ARHGDIG: variants seen among roughly 807,000 people sequenced by gnomAD.
ARHGDIG encodes Rho GDP dissociation inhibitor gamma.
A neutral mutation model predicts 20.2 loss-of-function variants in ARHGDIG; 14 were observed. That is an observed-to-expected ratio of 0.69 (90% CI 0.46 to 1.08). The LOEUF is 1.08. Ranked by LOEUF, ARHGDIG falls within the 50% of genes least tolerant of loss-of-function variation. The pLI is 0.00. For missense variants in ARHGDIG, 311 were observed against 301.8 expected (o/e 1.03, Z -0.23); for synonymous variants, 193 against 138.6 (o/e 1.39, Z -2.76).
At chr16:281,311 G>T (rs538384070) in intron 1 of ARHGDIG, 22 of 141,956 alleles carry the variant, frequency 1.5e-4, no homozygotes, top group Middle Eastern at 3.8e-3. Context: ...CAGTAGGCTT[G>T]GGGGGCCGCC....
Position 281,624 on chromosome 16 carries a change from A to G in ARHGDIG, c.74-122A>G, listed in dbSNP as rs187000533. On this transcript the variant is annotated intron_variant, in intron 1 of 5. Coordinates refer to ENST00000219409, the MANE Select transcript of ARHGDIG (RefSeq NM_001176.4). ...CTGCTCGCTCTCTCCCTGAGCCCCC[A>G]GAGGCTTCCCTTGAGTCCCTTTGGA... 7.0e-4 allele frequency: 845 copies of G among 1,201,614 alleles called. 3 individuals carry two copies. The African/African-American group carries it at 0.012, about 17-fold the overall frequency. 74.4% of individuals were successfully genotyped at this position (1,201,614 alleles called of 1,614,324 possible). A position where few individuals can be genotyped will look rare whatever the true frequency, so the allele number is the denominator to read the frequency against.
chr16:282,558 C>CCG, intron 5 of ARHGDIG, 28 bp downstream of exon 5: 2 of 1,310,078 alleles, frequency 1.5e-6, no homozygotes, highest in Non-Finnish European at 2.0e-6. Flanking sequence ...GGGAACGGGG[C>CCG]GGGGGGGGGA....
At chr16:281,640 T>A in intron 1 of ARHGDIG, 106 bp from the exon 2 acceptor site, 2 of 1,286,600 alleles carry the variant, frequency 1.6e-6, no homozygotes, top group Middle Eastern at 2.7e-4. Context: ...TTCCCTTGAG[T>A]CCCTTTGGAT....
intron 4 of ARHGDIG, 27 bp from the exon 5 acceptor site, chr16:282,440 A>G (rs1343684409): frequency 6.2e-7 from 1 of 1,612,060 alleles, no homozygotes. Context: ...TGGCCCCCAG[A>G]GGAACCCCTA....
At position 282,312 on chromosome 16, in the gene ARHGDIG, T is replaced by G; in HGVS notation, c.353T>G (p.Leu118Arg). Residue 118 changes from leucine (L) to arginine (R), a missense_variant, in exon 4 of 6, where the codon CTG (leucine) becomes CGG (arginine). Transcript: ENST00000219409. ...VMDLTGDLAV[L>R]KDQVFVLKEG... Reference sequence around the variant, plus strand: ...TCCCCAATAGGGGACCTGGCTGTTCTGAAGGACCAGGTGTTTGTCCTGAAG... The same window carrying G: ...TCCCCAATAGGGGACCTGGCTGTTCGGAAGGACCAGGTGTTTGTCCTGAAG... The G allele has an allele frequency of 6.2e-7, 1 of 1,613,214 alleles. No individual in the cohort carries two copies. Among genetic ancestry groups the G allele is most frequent in the Non-Finnish European group, 8.5e-7 (1 of 1,179,926 alleles).
chr16:280,670 C>A lies in ARHGDIG; in HGVS notation c.-11C>A, dbSNP rs1246503099. On this transcript the variant is annotated 5_prime_UTR_variant, in exon 1 of 6. Transcript: ENST00000219409. This position sits in a 1 kb window ranked among gnomAD's most constrained non-coding sequence, Gnocchi z 6.6. ...CTCGGCGGCTCCGCGGCGCCCGGGC[C>A]GCGCGCCGCCATGCTGGGCCTGGAC... is the stretch of plus-strand genomic sequence containing the variant. The A allele has an allele frequency of 1.9e-6, 2 of 1,059,060 alleles. No homozygotes were observed. The highest frequency in any genetic ancestry group is 2.3e-6 in the Non-Finnish European group (2 of 877,830). The allele number at this position is 1,059,060 out of a possible 1,614,324, so 65.6% of individuals were successfully genotyped here. A position where few individuals can be genotyped will look rare whatever the true frequency, so the allele number is the denominator to read the frequency against.
chr16:282,544 T>TGGGGGGAAGGGGGGGGG lies in ARHGDIG; in HGVS notation c.478+22_478+23insGGGGGGGGGGGGGGGAA. On this transcript the variant is annotated intron_variant, in intron 5 of 5. Transcript: ENST00000219409. ...GGGGCCTGCGCGGTGAGGGCAGCGG[T>TGGGGGGAAGGGGGGGGG]GGGGGGAACGGGGCGGGGGGGGGAA... is the stretch of plus-strand genomic sequence containing the variant. 1 of 289,514 alleles carries TGGGGGGAAGGGGGGGGG rather than the reference T, an allele frequency of 3.5e-6. No homozygotes were observed. The highest frequency in any genetic ancestry group is 8.0e-5 in the Admixed American group (1 of 12,474). 17.9% of individuals were successfully genotyped at this position (289,514 alleles called of 1,614,324 possible). A position where few individuals can be genotyped will look rare whatever the true frequency, so the allele number is the denominator to read the frequency against.
Position 280,890 on chromosome 16 carries a change from T to A in ARHGDIG, c.73+137T>A. ...CCCCCCGGCTGGGGTCTGGCAGGGG[T>A]GGGGGACTTCATCCAGGCTCCAGCC... On this transcript the variant is annotated intron_variant, in intron 1 of 5. Coordinates refer to ENST00000219409, the MANE Select transcript of ARHGDIG (RefSeq NM_001176.4). The surrounding 1 kb of genome is among the most constrained non-coding windows in gnomAD (Gnocchi z 6.6). 5.2e-6 allele frequency: 2 copies of A among 381,894 alleles called. No homozygotes were observed. Among genetic ancestry groups the A allele is most frequent in the Non-Finnish European group, 8.0e-6 (2 of 250,102 alleles). The allele number at this position is 381,894 out of a possible 1,614,324, so 23.7% of individuals were successfully genotyped here.
rs1327718939 is a variant in ARHGDIG at position 282,010 on chromosome 16, C to T, written c.254-15C>T. 3.7e-6 allele frequency: 6 copies of T among 1,610,692 alleles called. No homozygotes were observed. In the East Asian group the frequency reaches 8.9e-5, roughly 24 times the overall value. ...GGGGTGGGGGGCATCCTGCAGACTTCCAGTTTCTCCTCAGACCCAAGCCTG... is the reference window on the plus strand; with the variant it reads ...GGGGTGGGGGGCATCCTGCAGACTTTCAGTTTCTCCTCAGACCCAAGCCTG... On this transcript the variant is annotated splice_polypyrimidine_tract_variant and intron_variant, in intron 2 of 5. Coordinates refer to ENST00000219409, the MANE Select transcript of ARHGDIG (RefSeq NM_001176.4).
Position 282,847 on chromosome 16 carries a change from G to T in ARHGDIG, c.*33G>T. On this transcript the variant is annotated 3_prime_UTR_variant, in exon 6 of 6. Coordinates refer to ENST00000219409, the MANE Select transcript of ARHGDIG (RefSeq NM_001176.4). ...GTCCGTGTCTCCCCTACCTCCCTCAGTTGTTGCACAGGGACCCCCAAGCAT... is the reference window on the plus strand; with the variant it reads ...GTCCGTGTCTCCCCTACCTCCCTCATTTGTTGCACAGGGACCCCCAAGCAT... 1.3e-6 allele frequency: 2 copies of T among 1,547,686 alleles called. No individual in the cohort carries two copies. Among genetic ancestry groups the T allele is most frequent in the Non-Finnish European group, 8.7e-7 (1 of 1,152,086 alleles).
chr16:281,608 C>A, intron 1 of ARHGDIG, 138 bp from the exon 2 acceptor site: 1 of 1,069,336 alleles, frequency 9.4e-7, no homozygotes, highest in Non-Finnish European at 1.3e-6. Flanking sequence ...TCTGCTCGCT[C>A]TCTCCCTGAG....
At chr16:282,571 C>CCGGGGGGGGGGGGGGGCCACGG in intron 5 of ARHGDIG, 41 bp downstream of exon 5, 1 of 1,036,070 alleles carries the variant, frequency 9.7e-7, no homozygotes, top group Non-Finnish European at 1.4e-6. Flanking sequence ...GGGGGGGAAG[C>CCGGGGGGGGGGGGGGGCCACGG]GGGGGCAGAC....
intron 2 of ARHGDIG, 43 bp from the exon 3 acceptor site, chr16:281,982 G>A (rs2052290614): frequency 1.2e-6 from 2 of 1,601,522 alleles, no homozygotes; most frequent in Non-Finnish European, 1.7e-6. Flanking sequence ...GAGGAGCCTG[G>A]TGGGGGTGGG....
chr16:282,302 C>G lies in ARHGDIG; in HGVS notation c.343C>G (p.Leu115Val), dbSNP rs1281431671. The change falls in exon 4 of 6, where the codon CTG becomes GTG. Residue 115 changes from leucine to valine, a missense_variant. Leu to Val is a conservative substitution (Grantham distance 32). Coordinates refer to ENST00000219409, the MANE Select transcript of ARHGDIG (RefSeq NM_001176.4). ...AGCTGAGGTTTCCCCAATAGGGGAC[C>G]TGGCTGTTCTGAAGGACCAGGTGTT... The part of the protein sequence containing the change: ...GPVVMDLTGD[L>V]AVLKDQVFVL... 2 of 1,613,134 alleles carry G rather than the reference C, an allele frequency of 1.2e-6. No individual in the cohort carries two copies. Among genetic ancestry groups the G allele is most frequent in the Non-Finnish European group, 1.7e-6 (2 of 1,179,940 alleles).
intron 4 of ARHGDIG, 26 bp from the exon 5 acceptor site, chr16:282,441 G>A (rs200907964): frequency 1.2e-6 from 2 of 1,612,166 alleles, no homozygotes; most frequent in East Asian, 2.2e-5. Context: ...GGCCCCCAGA[G>A]GAACCCCTAA....
intron 1 of ARHGDIG, 21 bp from the exon 2 acceptor site, chr16:281,725 C>G (rs1244023359): frequency 1.2e-5 from 18 of 1,551,212 alleles, no homozygotes; most frequent in Middle Eastern, 4.0e-4. Context: ...GGCTGCTGCT[C>G]ACGCCCCTCC....
intron 5 of ARHGDIG, 23 bp downstream of exon 5, chr16:282,553 CG>C: frequency 1.7e-6 from 1 of 572,554 alleles, no homozygotes. Context: ...GTGGGGGGAA[CG>C]GGGCGGGGGG....
Position 281,883 on chromosome 16 carries a change from A to G in ARHGDIG, c.211A>G (p.Lys71Glu). 6.2e-7 allele frequency: 1 copy of G among 1,609,908 alleles called. No individual in the cohort carries two copies. Among genetic ancestry groups the G allele is most frequent in the Non-Finnish European group, 8.5e-7 (1 of 1,179,738 alleles). ...GGACCCGGACGACAGGAGCCTGGCCAAGTACAAGCGGGTGCTGCTGGGGCC... is the reference window on the plus strand; with the variant it reads ...GGACCCGGACGACAGGAGCCTGGCCGAGTACAAGCGGGTGCTGCTGGGGCC... ...QLDPDDRSLA[K>E]YKRVLLGPLP... The change falls in exon 2 of 6, where the codon AAG becomes GAG. Residue 71 changes from lysine (K) to glutamate (E), a missense_variant. Lys to Glu is a moderately conservative substitution (Grantham distance 56). Transcript: ENST00000219409.
At position 280,812 on chromosome 16, in the gene ARHGDIG, G is replaced by C; in HGVS notation, c.73+59G>C. 2 of 1,164,654 alleles carry C rather than the reference G, an allele frequency of 1.7e-6. No individual in the cohort carries two copies. The highest frequency in any genetic ancestry group is 2.5e-5 in the South Asian group (1 of 40,292). 72.1% of individuals were successfully genotyped at this position (1,164,654 alleles called of 1,614,324 possible). On this transcript the variant is annotated intron_variant, in intron 1 of 5. Coordinates refer to ENST00000219409, the MANE Select transcript of ARHGDIG (RefSeq NM_001176.4). The surrounding 1 kb of genome is among the most constrained non-coding windows in gnomAD (Gnocchi z 6.6). Reference sequence around the variant, plus strand: ...TGGTCTCAGCCCCGGGCGGGGAGTAGCCCCTCCCCCGCGGCAACTTTGGGG... The same window carrying C: ...TGGTCTCAGCCCCGGGCGGGGAGTACCCCCTCCCCCGCGGCAACTTTGGGG...
Sources: gnomAD v4.1 joint callset for allele counts on GRCh38, gnomAD v4.1.1 for gene constraint, Gnocchi (gnomAD v3.1) non-coding constraint, MANE v1.5 for transcripts, NCBI Gene and HGNC (gene_info 2026-07-23, HGNC 2026-07-21) for gene names.